The following SEMA4G variants were observed in gnomAD, a reference collection of about 807,000 sequenced individuals.
SEMA4G encodes the protein semaphorin-4G.
SEMA4G carries 59 observed loss-of-function variants against 81.2 expected under a neutral mutation model. The observed-to-expected ratio is 0.73, with a 90% CI of 0.59 to 0.90. The LOEUF (loss-of-function observed/expected upper bound fraction) is 0.90. SEMA4G is among the 40% of genes least tolerant of loss of function. The probability of loss-of-function intolerance (pLI) is 0.00; values close to 1 mark genes in which losing one functional copy is unlikely to be tolerated. For missense variants in SEMA4G, 952 were observed against 1,102.3 expected, an observed-to-expected ratio of 0.86 and a Z score of 1.93; for synonymous variants, 404 against 433.9, an observed-to-expected ratio of 0.93 and a Z score of 0.86.
At chr10:100,983,459 C>A (rs142773171) in exon 14 of SEMA4G, 2 of 1,613,986 alleles carry the variant, frequency 1.2e-6, no homozygotes, top group South Asian at 2.2e-5. Flanking sequence ...TGGGCGTGGA[C>A]GGGCTGCTGG....
exon 14 of SEMA4G, chr10:100,984,763 A>C: frequency 1.3e-6 from 2 of 1,535,646 alleles, no homozygotes; most frequent in Admixed American, 3.9e-5. Context: ...CCATGTGGTG[A>C]CCTCTTTGTC....
chr10:100,970,144 C>A (rs1327575014), upstream of SEMA4G, among the ~76,000 whole-genome samples: 2 of 152,164 alleles, frequency 1.3e-5, no homozygotes, highest in African/African-American at 4.8e-5. Context: ...GTTCCCTCCA[C>A]CCCAAGATCT....
At chr10:100,980,868 T>A in exon 12 of SEMA4G, 1 of 1,608,236 alleles carries the variant, frequency 6.2e-7, no homozygotes, top group Non-Finnish European at 8.5e-7. Context: ...CAGCTACCAC[T>A]CTCCAGCTGC....
At chr10:100,978,791 G>A in intron 6 of SEMA4G, 58 bp from the exon 8 acceptor site, 1 of 1,593,404 alleles carries the variant, frequency 6.3e-7, no homozygotes, top group Non-Finnish European at 8.6e-7. Flanking sequence ...CAGCCTCAGA[G>A]TGAGGGAAAG....
At chr10:100,976,460 G>T (rs1433250368) in intron 3 of SEMA4G, among the ~76,000 whole-genome samples, 1 of 152,106 alleles carries the variant, frequency 6.6e-6, no homozygotes, top group Non-Finnish European at 1.5e-5. Context: ...CAATTCTCTT[G>T]CCTAAGCCTC....
exon 14 of SEMA4G, chr10:100,984,494 G>T: frequency 6.5e-7 from 1 of 1,533,854 alleles, no homozygotes. Context: ...TCCCAGGCAG[G>T]GCTCTGCAGG....
At chr10:100,985,472 AT>A (rs1245235656), downstream of SEMA4G, 1 of 152,672 alleles carries the variant, frequency 6.5e-6, no homozygotes, top group Non-Finnish European at 1.5e-5. Context: ...CCCACAATGA[AT>A]GTATTTATTG....
rs1345981324 is a variant in SEMA4G at position 100,978,243 on chromosome 10, A to C, written c.436-52A>C. 2.8e-6 allele frequency: 4 copies of C among 1,406,596 alleles called. No homozygotes were observed. In the Admixed American group the frequency reaches 7.2e-5, roughly 25 times the overall value. 87.1% of individuals were successfully genotyped at this position (1,406,596 alleles called of 1,614,324 possible). ...CCCCAGACTGATCTGACTTTGAGCC[A>C]CTGTCCCTGCCTGTCTTCGGAACCA... On this transcript the variant is annotated intron_variant, in intron 4 of 13. Coordinates refer to ENST00000370250, the Ensembl canonical transcript of SEMA4G.
rs1308523315 is a variant in SEMA4G, at chr10:100,977,734, A to G, written c.435+4A>G. 9.3e-6 allele frequency: 15 copies of G among 1,608,826 alleles called. No individual in the cohort carries two copies. The highest frequency in any genetic ancestry group is 1.3e-5 in the Non-Finnish European group (15 of 1,175,250). On this transcript the variant is annotated splice_donor_region_variant and intron_variant, in intron 4 of 13. Coordinates refer to ENST00000370250, the Ensembl canonical transcript of SEMA4G. ...CCAGCCCCTCTGTGCAGCCATTGTGAGTATACCTGTGTTGTGCCAGATCTC... is the reference window on the plus strand; with the variant it reads ...CCAGCCCCTCTGTGCAGCCATTGTGGGTATACCTGTGTTGTGCCAGATCTC...
chr10:100,983,880 A>G (rs1851273660), exon 14 of SEMA4G: 1 of 1,554,788 alleles, frequency 6.4e-7, no homozygotes, highest in South Asian at 1.2e-5. Context: ...CTGTCTCCAG[A>G]TCATCCCTGG....
intron 3 of SEMA4G, chr10:100,975,038 T>C (rs371885544): frequency 1.9e-6 from 1 of 534,242 alleles, no homozygotes; most frequent in Non-Finnish European, 3.8e-6. Flanking sequence ...AAAAGGCATC[T>C]CCAAGAGCTT....
Position 100,980,748 on chromosome 10 carries a change from G to C in SEMA4G, c.1467+55G>C, listed in dbSNP as rs182291256. The C allele has an allele frequency of 6.0e-4, 967 of 1,605,128 alleles. 1 individual carries two copies. Among genetic ancestry groups the C allele is most frequent in the Non-Finnish European group, 7.7e-4 (902 of 1,172,906 alleles). On this transcript the variant is annotated intron_variant, in intron 11 of 13. Transcript: ENST00000370250. ...CCTTGCTGAAATAGGAAGAGGGAGTGGGGAGGTTGGGCAGAGGCTGTGTAT... is the reference window on the plus strand; with the variant it reads ...CCTTGCTGAAATAGGAAGAGGGAGTCGGGAGGTTGGGCAGAGGCTGTGTAT...
intron 4 of SEMA4G, chr10:100,977,974 C>CA (rs1444745495): frequency 2.6e-5 from 15 of 573,488 alleles, no homozygotes; most frequent in Non-Finnish European, 4.0e-5. Context: ...ACCTGGCAAA[C>CA]TTCATTTAAC....
exon 1 of SEMA4G, chr10:100,972,887 T>C: frequency 6.3e-7 from 1 of 1,587,758 alleles, no homozygotes; most frequent in South Asian, 1.2e-5. Flanking sequence ...TTTGGGGGTC[T>C]TGTTAGTCTG....
chr10:100,980,403 C>A, intron 10 of SEMA4G, 59 bp downstream of exon 11: 1 of 1,519,690 alleles, frequency 6.6e-7, no homozygotes. Context: ...CTTCTGAATC[C>A]ATTAATTCCT....
exon 7 of SEMA4G, chr10:100,978,931 C>T (rs751912530): frequency 6.2e-7 from 1 of 1,614,178 alleles, no homozygotes; most frequent in Admixed American, 1.7e-5. Context: ...ACTACTTCTT[C>T]ACGGAGCGTG....
chr10:100,977,894 C>A (rs1850870223), intron 4 of SEMA4G, 164 bp downstream of exon 5: 7 of 619,674 alleles, frequency 1.1e-5, no homozygotes, highest in Admixed American at 5.6e-5. Flanking sequence ...ACTGGAGAAC[C>A]ATTCCCCTTT....
In SEMA4G at chr10:100,975,875, G is replaced by A. The variant is rs556196201; in HGVS notation, c.337-1757G>A. Among the ~76,000 whole-genome samples the A allele has an allele frequency of 2.6e-5, 4 of 152,170 alleles. No individual in the cohort carries two copies. The East Asian group carries it at 7.7e-4, about 29-fold the overall frequency. ...AGATCATGCACTGCACTCCAACCTA[G>A]CGGCAGAGCAAGACTCCGTCTCAAA... On this transcript the variant is annotated intron_variant, in intron 3 of 13. Coordinates refer to ENST00000370250, the Ensembl canonical transcript of SEMA4G.
chr10:100,975,243 G>A (rs1008017804), intron 3 of SEMA4G, among the ~76,000 whole-genome samples: 4 of 152,168 alleles, frequency 2.6e-5, no homozygotes, highest in African/African-American at 9.7e-5. Flanking sequence ...AAATGCAGAT[G>A]CTAAACTTAG....
Sources: allele counts gnomAD v4.1 joint callset (sites outside exome capture counted in the v4.1 genomes callset), GRCh38; gene constraint gnomAD v4.1.1; transcripts MANE v1.5; gene names NCBI Gene and HGNC (gene_info 2026-07-23, HGNC 2026-07-21).